EHMT1: variants seen among roughly 807,000 people sequenced by gnomAD.
The protein encoded by EHMT1 is euchromatic histone lysine methyltransferase 1, also known as histone-lysine N-methyltransferase EHMT1.
In EHMT1, 15 loss-of-function variants were observed where a neutral mutation model predicts 147.2. The ratio of observed to expected loss-of-function variants is 0.10; its 90% CI spans 0.07 to 0.16. EHMT1 has a LOEUF of 0.16. Ranked by LOEUF, EHMT1 falls within the 10% of genes least tolerant of loss-of-function variation. The pLI, the probability that EHMT1 is intolerant of heterozygous loss-of-function variation, is 1.00. For synonymous variants in EHMT1, 795 were observed against 709.6 expected, an observed-to-expected ratio of 1.12 and a Z score of -1.91; for missense variants, 1,587 against 1,772.4, an observed-to-expected ratio of 0.90 and a Z score of 1.88.
rs527588749 is a variant in EHMT1, at chr9:137,707,903, G to A, written c.22-3064G>A. Among the ~76,000 whole-genome samples the A allele has an allele frequency of 1.2e-4, 18 of 152,288 alleles. No homozygotes were observed. The East Asian group carries it at 3.3e-3, about 28-fold the overall frequency. ...TCATCTCAGGCCAGGAGACCTTGTC[G>A]GCAGAGCTGTGCCGTGGCAGGCAGG... On this transcript the variant is annotated intron_variant, in intron 1 of 26. Transcript: ENST00000460843.
chr9:137,796,811 A>AATATG (rs1212724741), intron 16 of EHMT1, among the ~76,000 whole-genome samples: 19 of 135,218 alleles, frequency 1.4e-4, no homozygotes, highest in Non-Finnish European at 2.2e-4. Flanking sequence ...AAGCAGATGA[A>AATATG]AACACAGGAC....
chr9:137,834,647 A>G (rs1219321517), intron 26 of EHMT1, 123 bp downstream of exon 26: 43 of 1,594,848 alleles, frequency 2.7e-5, no homozygotes, highest in Non-Finnish European at 3.6e-5. Flanking sequence ...TAGTTCTAAA[A>G]ACTGCGACCT....
Position 137,778,068 on chromosome 9 carries a change from A to C in EHMT1, c.2192+13A>C. On this transcript the variant is annotated intron_variant, in intron 13 of 26. Transcript: ENST00000460843. ...TCGACTCGGAAAAGTAAGACCTGACATGTGATTTCAGAGATGTCTCAGAGC... is the reference window on the plus strand; with the variant it reads ...TCGACTCGGAAAAGTAAGACCTGACCTGTGATTTCAGAGATGTCTCAGAGC... 6.2e-7 allele frequency: 1 copy of C among 1,613,698 alleles called. No individual in the cohort carries two copies. The highest frequency in any genetic ancestry group is 8.5e-7 in the Non-Finnish European group (1 of 1,179,978).
chr9:137,683,025 T>A (rs1189493087), intron 1 of EHMT1, among the ~76,000 whole-genome samples: 2 of 152,262 alleles, frequency 1.3e-5, no homozygotes, highest in Non-Finnish European at 2.9e-5. Flanking sequence ...CGCACACCAC[T>A]TTTATTTCAG....
chr9:137,659,803 G>A (rs1486762658), intron 1 of EHMT1, among the ~76,000 whole-genome samples: 2 of 151,870 alleles, frequency 1.3e-5, no homozygotes, highest in Non-Finnish European at 2.9e-5. Flanking sequence ...TCTCAAACTC[G>A]TGGGCTCAAG....
In EHMT1 at chr9:137,825,768, G is replaced by A. The variant is rs143075479; in HGVS notation, c.3540+7630G>A. ...TGGGTCCATTGTTTTGTGTGTGTGT[G>A]CCCGTGTCATCACCACGCAGGCTGC... On this transcript the variant is annotated intron_variant, in intron 25 of 26. Coordinates refer to ENST00000460843, the MANE Select transcript of EHMT1 (RefSeq NM_024757.5). Among the ~76,000 whole-genome samples, 780 of 152,234 alleles carry A rather than the reference G, an allele frequency of 5.1e-3. 6 individuals are homozygous for A. The highest frequency in any genetic ancestry group is 0.018 in the African/African-American group (753 of 41,522).
chr9:137,634,374 C>G (rs1843827615), intron 1 of EHMT1, among the ~76,000 whole-genome samples: 1 of 152,176 alleles, frequency 6.6e-6, no homozygotes, highest in African/African-American at 2.4e-5. Flanking sequence ...ACAGTTGGCT[C>G]AGCAGCGTTT....
chr9:137,827,114 G>A (rs1489114133), intron 25 of EHMT1, among the ~76,000 whole-genome samples: 1 of 152,104 alleles, frequency 6.6e-6, no homozygotes, highest in African/African-American at 2.4e-5. Flanking sequence ...AGCCACGCCT[G>A]CCCTCACCTC....
At chr9:137,740,176 C>T (rs551819070) in intron 4 of EHMT1, among the ~76,000 whole-genome samples, 1 of 152,296 alleles carries the variant, frequency 6.6e-6, no homozygotes, top group Admixed American at 6.5e-5. Context: ...GCAGTGCCCA[C>T]CCCCACCCCA....
intron 4 of EHMT1, among the ~76,000 whole-genome samples, chr9:137,738,203 A>G (rs1037946616): frequency 6.6e-6 from 1 of 150,666 alleles, no homozygotes; most frequent in Non-Finnish European, 1.5e-5. Context: ...CAAAAAAAAC[A>G]ACAACAAAAA....
rs727503916 is a variant in EHMT1 at position 137,710,988 on chromosome 9, C to T, written c.43C>T (p.Pro15Ser). 3.1e-6 allele frequency: 5 copies of T among 1,598,558 alleles called. No homozygotes were observed. Among genetic ancestry groups the T allele is most frequent in the Non-Finnish European group, 2.6e-6 (3 of 1,173,372 alleles). Residue 15 changes from proline to serine, a missense_variant, in exon 2 of 27, where the codon CCT becomes TCT. Transcript: ENST00000460843. ...DAEAVPARGE[P>S]QQDCCVKTEL... ...ACAGGCAGTTCCGGCGAGGGGGGAG[C>T]CTCAGCAGGATTGCTGTGTGAAAAC...
At chr9:137,624,624 GC>G (rs1843141467) in intron 1 of EHMT1, among the ~76,000 whole-genome samples, 1 of 151,774 alleles carries the variant, frequency 6.6e-6, no homozygotes, top group African/African-American at 2.4e-5. Flanking sequence ...CTGGACTCCA[GC>G]TGATTTTTGT....
chr9:137,795,428 C>CACACACACACACACACACACAT (rs57203379), intron 16 of EHMT1, among the ~76,000 whole-genome samples: 1 of 13,010 alleles, frequency 7.7e-5, no homozygotes, highest in Non-Finnish European at 1.7e-4. Flanking sequence ...CACACACACA[C>CACACACACACACACACACACAT]TCTCACACTC....
At chr9:137,648,118 A>C (rs1296807409) in intron 1 of EHMT1, among the ~76,000 whole-genome samples, 1 of 152,150 alleles carries the variant, frequency 6.6e-6, no homozygotes, top group African/African-American at 2.4e-5. Context: ...TAAATGTGTT[A>C]AAATCTATTT....
At chr9:137,644,936 G>A (rs1299405156) in intron 1 of EHMT1, among the ~76,000 whole-genome samples, 1 of 151,806 alleles carries the variant, frequency 6.6e-6, no homozygotes, top group Non-Finnish European at 1.5e-5. Context: ...GCAGTGGTGC[G>A]ATCTCAGCTC....
At chr9:137,647,785 C>T (rs1478835168) in intron 1 of EHMT1, among the ~76,000 whole-genome samples, 3 of 151,788 alleles carry the variant, frequency 2.0e-5, no homozygotes, top group Non-Finnish European at 4.4e-5. Flanking sequence ...TTAGTAGAGA[C>T]GGGGTTTCAC....
chr9:137,802,704 T>G (rs138054184), intron 18 of EHMT1: 1 of 742,632 alleles, frequency 1.3e-6, no homozygotes, highest in Non-Finnish European at 1.8e-6. Context: ...CCACTGGCTG[T>G]GGGCACCCGC....
chr9:137,640,174 A>T (rs1299880363), intron 1 of EHMT1, among the ~76,000 whole-genome samples: 4 of 152,200 alleles, frequency 2.6e-5, no homozygotes, highest in Admixed American at 1.3e-4. Flanking sequence ...AACTCAGGTG[A>T]TCCGCCTGCC....
intron 23 of EHMT1, chr9:137,816,352 G>T: frequency 1.3e-5 from 6 of 467,432 alleles, no homozygotes; most frequent in South Asian, 1.2e-4. Context: ...AATTACCTTT[G>T]TTACCGAGTT....
Sources: gnomAD v4.1 joint callset for allele counts (sites outside exome capture counted in the v4.1 genomes callset) on GRCh38, gnomAD v4.1.1 for gene constraint, MANE v1.5 for transcripts, NCBI Gene and HGNC (gene_info 2026-07-23, HGNC 2026-07-21) for gene names.